TRNT1: variants seen among roughly 807,000 people sequenced by gnomAD.
TRNT1 encodes the protein CCA tRNA nucleotidyltransferase 1, mitochondrial.
A neutral mutation model predicts 45.6 loss-of-function variants in TRNT1; 44 were observed. That is an observed-to-expected ratio of 0.97 (90% confidence interval 0.76 to 1.24). The LOEUF (loss-of-function observed/expected upper bound fraction) is 1.24, where lower values mean the gene tolerates loss of function less well. Ranked by LOEUF, TRNT1 falls within the 50% of genes most tolerant of loss-of-function variation. The pLI is 0.00. For missense variants in TRNT1, 633 were observed against 504.4 expected (o/e 1.25, Z -2.44); for synonymous variants, 201 against 171.4 (o/e 1.17, Z -1.35).
chr3:3,143,839 C>G (rs944788661), intron 4 of TRNT1, among the ~76,000 whole-genome samples: 25 of 152,120 alleles, frequency 1.6e-4, no homozygotes, highest in African/African-American at 6.0e-4. Context: ...ACCAGGGTGA[C>G]AAAGTGAGAA....
chr3:3,140,346 C>T (rs1335578892), intron 3 of TRNT1, among the ~76,000 whole-genome samples, 164 bp from the exon 4 acceptor site: 2 of 151,998 alleles, frequency 1.3e-5, no homozygotes, highest in East Asian at 1.9e-4. Context: ...ATGTGGATAT[C>T]TTTCTGTTTC....
intron 6 of TRNT1, 72 bp downstream of exon 6, chr3:3,146,695 ATGTT>A (rs750615519): frequency 9.9e-5 from 133 of 1,340,684 alleles, no homozygotes; most frequent in East Asian, 1.7e-4. Flanking sequence ...TAAGGAAAAA[ATGTT>A]TGACTCATTT....
Position 3,146,412 on chromosome 3 carries a change from G to A in TRNT1, c.609-18G>A, listed in dbSNP as rs758866961. On this transcript the variant is annotated intron_variant, in intron 5 of 7. Transcript: ENST00000251607. The stretch of plus-strand genomic sequence containing the variant: ...TGCCAATATAGAGGTAATACCCTGT[G>A]AAGATTTTGTCTTGTAGGTTTTATG... The A allele has an allele frequency of 2.1e-5, 34 of 1,597,368 alleles. No homozygotes were observed. Among genetic ancestry groups the A allele is most frequent in the Non-Finnish European group, 2.9e-5 (34 of 1,172,870 alleles).
chr3:3,146,447 T>G lies in TRNT1; in HGVS notation c.626T>G (p.Val209Gly). 1.2e-6 allele frequency: 2 copies of G among 1,611,568 alleles called. No homozygotes were observed. Among genetic ancestry groups the G allele is most frequent in the Non-Finnish European group, 1.7e-6 (2 of 1,179,236 alleles). ...TCTTGTAGGTTTTATGGGAGAATTG[T>G]AGACAAACCTGGTGACCATGATCCT... The part of the protein sequence containing the change: ...LRYFRFYGRI[V>G]DKPGDHDPET... The change falls in exon 6 of 8, where the codon GTA (valine) becomes GGA (glycine). Residue 209 changes from valine to glycine, a missense_variant. By Grantham distance (109) the Val-to-Gly change is moderately radical. Transcript: ENST00000251607.
rs894176752 is a variant in TRNT1 at position 3,148,833 on chromosome 3, A to G, written c.*679A>G. ...AATTAATTATTGTTTTAATAAAACA[A>G]ACATTGGTATTGGAAGATAAATATG... On this transcript the variant is annotated 3_prime_UTR_variant, in exon 8 of 8. Transcript: ENST00000251607. The G allele has an allele frequency of 5.9e-5, 9 of 152,318 alleles. No homozygotes were observed. In the East Asian group the frequency reaches 1.5e-3, roughly 26 times the overall value. The allele number at this position is 152,318 out of a possible 1,614,324, so 9.4% of individuals were successfully genotyped here.
Position 3,132,746 on chromosome 3 carries a change from A to C in TRNT1, c.148+3558A>C, listed in dbSNP as rs200352940. Among the ~76,000 whole-genome samples, 7 of 107,954 alleles carry C rather than the reference A, an allele frequency of 6.5e-5. No homozygotes were observed. The South Asian group carries it at 1.2e-3, about 18-fold the overall frequency. The allele number at this position is 107,954 out of a possible 152,430, so 70.8% of individuals were successfully genotyped here. A position where few individuals can be genotyped will look rare whatever the true frequency, so the allele number is the denominator to read the frequency against. On this transcript the variant is annotated intron_variant, in intron 2 of 7. Coordinates refer to ENST00000251607, the MANE Select transcript of TRNT1 (RefSeq NM_182916.3). ...CCTATTGAAGGAAAAAAAAAAAAAC[A>C]CAAAAAAAAAACACTGGATTTTCTC...
At chr3:3,136,749 G>C (rs778544156) in intron 2 of TRNT1, 1 of 385,766 alleles carries the variant, frequency 2.6e-6, no homozygotes, top group African/African-American at 2.1e-5. Context: ...TGAACTCCTG[G>C]GCTCAAGCCA....
At chr3:3,149,829 A>G (rs1387880854), downstream of TRNT1, 1 of 152,176 alleles carries the variant, frequency 6.6e-6, no homozygotes, top group African/African-American at 2.4e-5. Context: ...TTGAGTAAAC[A>G]TTTAACCTGA....
intron 2 of TRNT1, 75 bp from the exon 3 acceptor site, chr3:3,137,185 T>C: frequency 8.1e-7 from 1 of 1,232,932 alleles, no homozygotes; most frequent in Non-Finnish European, 1.1e-6. Flanking sequence ...GGAAAAGCCT[T>C]GTACTTTTGT....
intron 2 of TRNT1, among the ~76,000 whole-genome samples, chr3:3,136,347 G>T (rs988262820): frequency 3.9e-5 from 6 of 152,142 alleles, no homozygotes; most frequent in African/African-American, 1.4e-4. Flanking sequence ...AGTGGATTTT[G>T]CCTTATCCTC....
intron 4 of TRNT1, among the ~76,000 whole-genome samples, chr3:3,144,176 A>G (rs1289214056): frequency 1.3e-5 from 2 of 152,168 alleles, no homozygotes; most frequent in Non-Finnish European, 2.9e-5. Flanking sequence ...AAAGATCTTC[A>G]AGATTATAAA....
intron 2 of TRNT1, chr3:3,131,375 T>TG (rs1460516009): frequency 6.6e-6 from 1 of 152,218 alleles, no homozygotes; most frequent in African/African-American, 2.4e-5. Context: ...CAGGTCATTC[T>TG]GCATTTTTTG....
At chr3:3,129,265 C>A in intron 2 of TRNT1, 77 bp downstream of exon 2, 2 of 1,266,558 alleles carry the variant, frequency 1.6e-6, no homozygotes, top group Admixed American at 2.1e-5. Context: ...TTTAAGCCAG[C>A]ATTCGGATAT....
intron 4 of TRNT1, among the ~76,000 whole-genome samples, chr3:3,141,053 C>G (rs561764681): frequency 3.0e-4 from 46 of 152,260 alleles, no homozygotes; most frequent in African/African-American, 1.1e-3. Flanking sequence ...GTCTGGGCAA[C>G]AGAGCGAGAC....
chr3:3,140,368 A>G (rs1705570887), intron 3 of TRNT1, 142 bp from the exon 4 acceptor site: 1 of 641,794 alleles, frequency 1.6e-6, no homozygotes, highest in Non-Finnish European at 2.6e-6. Flanking sequence ...ATGTTTAGGT[A>G]TGGTAGTTGA....
intron 5 of TRNT1, chr3:3,144,950 C>T (rs973238043): frequency 8.2e-6 from 2 of 243,372 alleles, no homozygotes; most frequent in South Asian, 1.0e-4. Flanking sequence ...TTTAAGTCAT[C>T]TTTTTAAATG....
intron 4 of TRNT1, among the ~76,000 whole-genome samples, chr3:3,141,942 A>G (rs1053195173): frequency 6.6e-6 from 1 of 152,230 alleles, no homozygotes; most frequent in African/African-American, 2.4e-5. Flanking sequence ...TTCATAAAGT[A>G]TGTTAAGCCC....
chr3:3,134,098 C>G (rs992198039), intron 2 of TRNT1, among the ~76,000 whole-genome samples: 3 of 152,060 alleles, frequency 2.0e-5, no homozygotes, highest in Non-Finnish European at 4.4e-5. Context: ...CATTCTTTGA[C>G]TTTTAGGCTT....
rs1706213024 is a variant in TRNT1 at position 3,148,437 on chromosome 3, A to G, written c.*283A>G. ...ATCTTAACCTGTTCAGGCTTTTAAAAAAAACTGTTTTTGCATAGGGTAGTA... is the reference window on the plus strand; with the variant it reads ...ATCTTAACCTGTTCAGGCTTTTAAAGAAAACTGTTTTTGCATAGGGTAGTA... On this transcript the variant is annotated 3_prime_UTR_variant, in exon 8 of 8. Transcript: ENST00000251607. 1 of 243,632 alleles carries G rather than the reference A, an allele frequency of 4.1e-6. No homozygotes were observed. The allele number at this position is 243,632 out of a possible 1,614,324, so 15.1% of individuals were successfully genotyped here.
Sources: allele counts gnomAD v4.1 joint callset (sites outside exome capture counted in the v4.1 genomes callset), GRCh38; gene constraint gnomAD v4.1.1; transcripts MANE v1.5; gene names NCBI Gene and HGNC (gene_info 2026-07-23, HGNC 2026-07-21).